Variants in TLR5 observed in about 807,000 individuals in gnomAD.
TLR5 encodes toll like receptor 5.
For synonymous variants in TLR5, 373 were observed against 384.4 expected (o/e 0.97, Z 0.35); for missense variants, 944 against 999.8 (o/e 0.94, Z 0.75).
At chr1:223,143,241 CCGGACGCAAAAGCGGCGCCCT>C (rs1295084467) in exon 1 of TLR5, 2 of 152,258 alleles carry the variant, frequency 1.3e-5, no homozygotes, top group African/African-American at 4.8e-5. Context: ...TTGGCTCCTC[CCGGACGCAAAAGCGGCGCCCT>C]CGCTCGGGCT....
chr1:223,139,080 A>C (rs1233471707), intron 2 of TLR5, among the ~76,000 whole-genome samples: 1 of 152,224 alleles, frequency 6.6e-6, no homozygotes, highest in African/African-American at 2.4e-5. Context: ...ACCATGTGGA[A>C]CTGTGAGTCA....
Position 223,113,591 on chromosome 1 carries a change from C to A in TLR5, c.-4-556G>T, listed in dbSNP as rs1216700559. On this transcript the variant is annotated intron_variant, in intron 5 of 5. Coordinates refer to ENST00000642603, the MANE Select transcript of TLR5 (RefSeq NM_003268.6). The stretch of plus-strand genomic sequence containing the variant: ...GTACTTAAAAAACATTTCACTTAAT[C>A]TTTTCTTTTAAAAAAATTTTATTTA... 2.6e-5 allele frequency among the ~76,000 whole-genome samples: 4 copies of A among 152,210 alleles called. No homozygotes were observed. The East Asian group carries it at 5.8e-4, about 22-fold the overall frequency.
intron 5 of TLR5, chr1:223,123,819 A>G (rs1412030514): frequency 6.6e-6 from 1 of 152,256 alleles, no homozygotes; most frequent in Non-Finnish European, 1.5e-5. Flanking sequence ...GTGAGACGAG[A>G]GTTCAAGAAC....
chr1:223,119,984 A>T (rs1430804125), intron 5 of TLR5, among the ~76,000 whole-genome samples: 1 of 65,044 alleles, frequency 1.5e-5, no homozygotes, highest in Non-Finnish European at 2.8e-5. Context: ...AAAATAAATA[A>T]AATAAAATAA....
At chr1:223,141,067 C>T (rs1332373859) in intron 2 of TLR5, among the ~76,000 whole-genome samples, 1 of 152,246 alleles carries the variant, frequency 6.6e-6, no homozygotes, top group African/African-American at 2.4e-5. Flanking sequence ...GATCTGCCTT[C>T]TGCATTCTTT....
intron 5 of TLR5, among the ~76,000 whole-genome samples, chr1:223,115,438 T>TG (rs1269824894): frequency 3.9e-5 from 6 of 152,132 alleles, no homozygotes; most frequent in African/African-American, 1.4e-4. Flanking sequence ...TTAGTAGAGA[T>TG]GGGGTTTCAC....
rs545304327 is a variant in TLR5, at chr1:223,117,147, G to GA, written c.-4-4113_-4-4112insT. ...CGTCGAGAATTCGAGTGTGGCGCCG[G>GA]CGGGGCCGGCAGTGCTGGGGGACCC... On this transcript the variant is annotated intron_variant, in intron 5 of 5. Coordinates refer to ENST00000642603, the MANE Select transcript of TLR5 (RefSeq NM_003268.6). Among the ~76,000 whole-genome samples, 42 of 152,286 alleles carry GA rather than the reference G, an allele frequency of 2.8e-4. No homozygotes were observed. The South Asian group carries it at 8.5e-3, about 31-fold the overall frequency.
intron 4 of TLR5, among the ~76,000 whole-genome samples, 190 bp from the exon 5 acceptor site, chr1:223,132,829 A>G (rs1299358758): frequency 2.0e-5 from 3 of 152,234 alleles, no homozygotes; most frequent in African/African-American, 4.8e-5. Context: ...CCAAGGTTGA[A>G]GTTGGGACCT....
At chr1:223,127,169 T>G (rs1657201716) in intron 5 of TLR5, 1 of 152,288 alleles carries the variant, frequency 6.6e-6, no homozygotes, top group Admixed American at 6.5e-5. Flanking sequence ...TAATAGATAA[T>G]TCCAGTCACA....
At chr1:223,121,641 C>A (rs1285551133) in intron 5 of TLR5, among the ~76,000 whole-genome samples, 1 of 152,226 alleles carries the variant, frequency 6.6e-6, no homozygotes, top group Non-Finnish European at 1.5e-5. Context: ...ACCTCAGCCT[C>A]CTGAATAGCT....
intron 5 of TLR5, among the ~76,000 whole-genome samples, chr1:223,117,893 T>A (rs1656758900): frequency 6.6e-6 from 1 of 152,206 alleles, no homozygotes; most frequent in Admixed American, 6.5e-5. Flanking sequence ...TAAATATGAG[T>A]GCCACATATG....
In TLR5 at chr1:223,111,046, C is replaced by T. The variant is rs774571664; in HGVS notation, c.1986G>A (p.Lys662=). The part of the protein sequence containing the change: ...LFLMTILTVT[K]FRGFCFICYK... ...AACAGATAAAACAGAAGCCCCGGAA[C>T]TTTGTGACTGTGAGGATGGTCATGA... The change falls in exon 6 of 6, where the codon AAG becomes AAA. Residue 662 remains lysine, a synonymous_variant. Coordinates refer to ENST00000642603, the MANE Select transcript of TLR5 (RefSeq NM_003268.6). The T allele has an allele frequency of 2.0e-5, 33 of 1,614,066 alleles. No homozygotes were observed. The South Asian group carries it at 3.5e-4, about 17-fold the overall frequency.
At chr1:223,119,385 A>G (rs1157753710) in intron 5 of TLR5, among the ~76,000 whole-genome samples, 1 of 152,178 alleles carries the variant, frequency 6.6e-6, no homozygotes, top group African/African-American at 2.4e-5. Context: ...TACTGTGTCA[A>G]TCTAGGAAAG....
In TLR5 at chr1:223,110,300, T is replaced by C. The variant is rs1452176462; in HGVS notation, c.*155A>G. 10 of 732,572 alleles carry C rather than the reference T, an allele frequency of 1.4e-5. No individual in the cohort carries two copies. The Admixed American group carries it at 2.8e-4, about 20-fold the overall frequency. The allele number at this position is 732,572 out of a possible 1,614,324, so 45.4% of individuals were successfully genotyped here. On this transcript the variant is annotated 3_prime_UTR_variant, in exon 6 of 6. Coordinates refer to ENST00000642603, the MANE Select transcript of TLR5 (RefSeq NM_003268.6). ...ATTTGGAGGTTAGTGAGACAGAACA[T>C]GGTGTTGATACGAAAATTGAGAGAT...
In TLR5 at chr1:223,111,771, T is replaced by A; in HGVS notation, c.1261A>T (p.Ile421Phe). Residue 421 changes from isoleucine to phenylalanine, a missense_variant, in exon 6 of 6, where the codon ATC becomes TTC. Ile to Phe is a conservative substitution (Grantham distance 21). Coordinates refer to ENST00000642603, the MANE Select transcript of TLR5 (RefSeq NM_003268.6). ...TGGATGAGGTTCGCTGTAAGGTTGA[T>A]CTTTGGCAAAGTCACTAGTTTATTG... ...SGNKLVTLPKINLTANLIHLS... is the reference protein window; with the variant it reads ...SGNKLVTLPKFNLTANLIHLS... 1.2e-6 allele frequency: 2 copies of A among 1,614,230 alleles called. No individual in the cohort carries two copies. The highest frequency in any genetic ancestry group is 1.7e-6 in the Non-Finnish European group (2 of 1,180,040).
chr1:223,115,982 C>CCCA (rs1656615445), intron 5 of TLR5, among the ~76,000 whole-genome samples: 1 of 152,170 alleles, frequency 6.6e-6, no homozygotes, highest in Non-Finnish European at 1.5e-5. Flanking sequence ...TTCATGTGAA[C>CCCA]CCTCTTCTCT....
rs1167920301 is a variant in TLR5, at chr1:223,111,977, T to TAA, written c.1053_1054dup (p.Tyr352PhefsTer12). ...AGGTAGTCCATAGAAATTCGAACTG[T>TAA]AAAGTTCCCCCAGAAGGTTATATGA... On this transcript the variant is annotated frameshift_variant, in exon 6 of 6. Transcript: ENST00000642603. LOFTEE classifies it low-confidence loss of function (END_TRUNC). 4.3e-6 allele frequency: 7 copies of TAA among 1,614,216 alleles called. No homozygotes were observed. Among genetic ancestry groups the TAA allele is most frequent in the Non-Finnish European group, 5.9e-6 (7 of 1,180,028 alleles).
Position 223,131,818 on chromosome 1 carries a change from C to T in TLR5, c.-5+657G>A, listed in dbSNP as rs889063147. On this transcript the variant is annotated intron_variant, in intron 5 of 5. Transcript: ENST00000642603. This position sits in a 1 kb window ranked among gnomAD's most constrained non-coding sequence, Gnocchi z 4.2. ...CTGGTCTCGAACTCCTGGGATCCAG[C>T]GATCCACCTGCCTCGGCCTCCCAAA... is the stretch of plus-strand genomic sequence containing the variant. Among the ~76,000 whole-genome samples, 6 of 151,922 alleles carry T rather than the reference C, an allele frequency of 3.9e-5. No homozygotes were observed. The highest frequency in any genetic ancestry group is 7.4e-5 in the Non-Finnish European group (5 of 67,984).
chr1:223,138,051 G>A (rs998488389), intron 2 of TLR5, among the ~76,000 whole-genome samples: 7 of 133,228 alleles, frequency 5.3e-5, no homozygotes, highest in Admixed American at 2.7e-4. Flanking sequence ...CTTGAACTCC[G>A]GGGTTCAAGT....
Sources: gnomAD v4.1 joint callset for allele counts (sites outside exome capture counted in the v4.1 genomes callset) on GRCh38, gnomAD v4.1.1 for gene constraint, Gnocchi (gnomAD v3.1) non-coding constraint, MANE v1.5 for transcripts, NCBI Gene and HGNC (gene_info 2026-07-23, HGNC 2026-07-21) for gene names.